Variants in EPB41L3 observed in about 807,000 individuals in gnomAD.
EPB41L3 encodes band 4.1-like protein 3.
Under a neutral mutation model 127.1 loss-of-function variants are expected in EPB41L3, and 57 were observed. The observed-to-expected ratio is 0.45, with a 90% CI of 0.36 to 0.56. EPB41L3 has a LOEUF of 0.56. EPB41L3 is among the 20% of genes least tolerant of loss of function. The probability of loss-of-function intolerance (pLI) is 0.00; values close to 1 mark genes in which losing one functional copy is unlikely to be tolerated. For synonymous variants in EPB41L3, 572 were observed against 549.5 expected (o/e 1.04, Z -0.57); for missense variants, 1,273 against 1,372.2 (o/e 0.93, Z 1.14).
chr18:5,608,016 TCTA>T (rs1439370959), intron 3 of EPB41L3, among the ~76,000 whole-genome samples: 1 of 152,174 alleles, frequency 6.6e-6, no homozygotes, highest in Non-Finnish European at 1.5e-5. Flanking sequence ...GACCCCTTCT[TCTA>T]CTGCTCAGTG....
At chr18:5,451,260 A>G (rs960198235) in intron 3 of EPB41L3, among the ~76,000 whole-genome samples, 1 of 152,192 alleles carries the variant, frequency 6.6e-6, no homozygotes, top group Non-Finnish European at 1.5e-5. Flanking sequence ...AAAGTCACCA[A>G]TTAGATCTTT....
At chr18:5,403,555 T>G (rs1215435887) in intron 16 of EPB41L3, among the ~76,000 whole-genome samples, 3 of 151,030 alleles carry the variant, frequency 2.0e-5, no homozygotes, top group Non-Finnish European at 4.4e-5. Context: ...AAATCTTTAG[T>G]TTTTTTCTTC....
rs573579640 is a variant in EPB41L3 at position 5,612,002 on chromosome 18, A to G, written c.-306+338T>C. On this transcript the variant is annotated intron_variant, in intron 3 of 21. Coordinates refer to the EPB41L3 transcript ENST00000545076. ...TGTTAAGTTCTCAATCCATAAAAATATATACACATGTAATTCTACCGAACT... is the reference window on the plus strand; with the variant it reads ...TGTTAAGTTCTCAATCCATAAAAATGTATACACATGTAATTCTACCGAACT... 2.6e-5 allele frequency among the ~76,000 whole-genome samples: 4 copies of G among 152,196 alleles called. No individual in the cohort carries two copies. In the East Asian group the frequency reaches 7.7e-4, roughly 29 times the overall value.
chr18:5,624,027 G>A (rs571848424), intron 1 of EPB41L3, among the ~76,000 whole-genome samples: 5 of 151,974 alleles, frequency 3.3e-5, no homozygotes, highest in Non-Finnish European at 2.9e-5. Flanking sequence ...TTAAGAAAGG[G>A]TCTTGCTCTG....
intron 3 of EPB41L3, among the ~76,000 whole-genome samples, chr18:5,475,714 T>C (rs967828268): frequency 6.6e-6 from 1 of 152,222 alleles, no homozygotes; most frequent in African/African-American, 2.4e-5. Context: ...TTACCTCCAC[T>C]CCTGCTAAAT....
At chr18:5,505,096 A>T (rs1299083160) in intron 1 of EPB41L3, among the ~76,000 whole-genome samples, 1 of 152,180 alleles carries the variant, frequency 6.6e-6, no homozygotes, top group African/African-American at 2.4e-5. Context: ...CCCTATGACC[A>T]TGCATCTGTC....
chr18:5,460,451 T>A (rs2083796840), intron 3 of EPB41L3, among the ~76,000 whole-genome samples: 2 of 152,178 alleles, frequency 1.3e-5, no homozygotes, highest in Non-Finnish European at 2.9e-5. Context: ...CTAAAAAATG[T>A]GATATATATA....
chr18:5,504,084 G>GA (rs1034397908), intron 1 of EPB41L3, among the ~76,000 whole-genome samples: 11 of 152,128 alleles, frequency 7.2e-5, no homozygotes, highest in African/African-American at 2.7e-4. Context: ...GAATAGGAGA[G>GA]AAAAAGAGAG....
rs1213634442 is a variant in EPB41L3, at chr18:5,395,640, G to A, written c.3041C>T (p.Thr1014Ile). ...MSAQTITSET[T>I]STTTTTHITK... The stretch of plus-strand genomic sequence containing the variant: ...GATGTGCGTAGTGGTGGTGGTACTG[G>A]TGGTTTCAGATGTGATCGTCTGTGC... Residue 1014 changes from threonine to isoleucine, a missense_variant, in exon 20 of 23, where the codon ACC (threonine) becomes ATC (isoleucine). Thr to Ile is a moderately conservative substitution (Grantham distance 89). Coordinates refer to ENST00000341928, the MANE Select transcript of EPB41L3 (RefSeq NM_012307.5). 1.9e-6 allele frequency: 3 copies of A among 1,614,040 alleles called. No homozygotes were observed. The highest frequency in any genetic ancestry group is 2.7e-5 in the African/African-American group (2 of 74,902).
chr18:5,577,539 A>G (rs1738870538), intron 3 of EPB41L3: 1 of 315,506 alleles, frequency 3.2e-6, no homozygotes, highest in African/African-American at 2.2e-5. Flanking sequence ...CAACACTCCA[A>G]AAATCAAGCC....
intron 3 of EPB41L3, among the ~76,000 whole-genome samples, chr18:5,459,239 C>A (rs1054330312): frequency 1.3e-5 from 2 of 152,044 alleles, no homozygotes; most frequent in Non-Finnish European, 2.9e-5. Flanking sequence ...TGGAGTACAG[C>A]CTGGGCAACA....
At chr18:5,535,552 A>G (rs1011912716) in intron 1 of EPB41L3, among the ~76,000 whole-genome samples, 1 of 152,170 alleles carries the variant, frequency 6.6e-6, no homozygotes, top group South Asian at 2.1e-4. Context: ...AAAACTCCCT[A>G]TATCTCTGGG....
At chr18:5,440,781 T>TA (rs2080588483) in intron 5 of EPB41L3, among the ~76,000 whole-genome samples, 1 of 152,326 alleles carries the variant, frequency 6.6e-6, no homozygotes, top group African/African-American at 2.4e-5. Context: ...TAAACATACT[T>TA]AAAATCACAA....
At chr18:5,508,989 T>A (rs567629336) in intron 1 of EPB41L3, among the ~76,000 whole-genome samples, 2 of 152,238 alleles carry the variant, frequency 1.3e-5, no homozygotes, top group South Asian at 2.1e-4. Flanking sequence ...CATGGAAGTG[T>A]TACAAGACCA....
chr18:5,468,574 C>A (rs566243846), intron 3 of EPB41L3, among the ~76,000 whole-genome samples: 2 of 152,134 alleles, frequency 1.3e-5, no homozygotes, highest in Non-Finnish European at 2.9e-5. Flanking sequence ...GCTGCACACT[C>A]GACAGGATGA....
intron 5 of EPB41L3, among the ~76,000 whole-genome samples, chr18:5,439,792 G>A (rs946754741): frequency 1.3e-5 from 2 of 152,076 alleles, no homozygotes; most frequent in Non-Finnish European, 2.9e-5. Flanking sequence ...TCCCTTCAAC[G>A]CTTGCCAGTG....
chr18:5,395,658 G>A lies in EPB41L3; in HGVS notation c.3023C>T (p.Thr1008Met), dbSNP rs1300561636. Residue 1008 changes from threonine to methionine, a missense_variant, in exon 20 of 23, where the codon ACG becomes ATG. Thr to Met is a moderately conservative substitution (Grantham distance 81). Coordinates refer to ENST00000341928, the MANE Select transcript of EPB41L3 (RefSeq NM_012307.5). ...LEPGVLMSAQTITSETTSTTT... is the reference protein window; with the variant it reads ...LEPGVLMSAQMITSETTSTTT... ...GGTACTGGTGGTTTCAGATGTGATC[G>A]TCTGTGCACTCATCAGCACGCCTGG... The A allele has an allele frequency of 3.7e-6, 6 of 1,614,134 alleles. No individual in the cohort carries two copies. The highest frequency in any genetic ancestry group is 1.1e-5 in the South Asian group (1 of 91,074).
chr18:5,515,014 C>T (rs1321095426), intron 1 of EPB41L3, among the ~76,000 whole-genome samples: 2 of 152,238 alleles, frequency 1.3e-5, no homozygotes, highest in South Asian at 2.1e-4. Flanking sequence ...GTATCAGTGA[C>T]TGGCCATCTA....
intron 2 of EPB41L3, among the ~76,000 whole-genome samples, chr18:5,487,351 A>G (rs977772580): frequency 6.6e-6 from 1 of 151,670 alleles, no homozygotes; most frequent in Non-Finnish European, 1.5e-5. Context: ...AGGGAGGAGG[A>G]GTGATGAAGG....
Sources: allele counts gnomAD v4.1 joint callset (sites outside exome capture counted in the v4.1 genomes callset), GRCh38; gene constraint gnomAD v4.1.1; transcripts MANE v1.5; gene names NCBI Gene and HGNC (gene_info 2026-07-23, HGNC 2026-07-21).